CADPS2: variants seen among roughly 807,000 people sequenced by gnomAD.
CADPS2 encodes calcium-dependent secretion activator 2.
A neutral mutation model predicts 172.5 loss-of-function variants in CADPS2; 93 were observed. The ratio of observed to expected loss-of-function variants is 0.54; its 90% CI spans 0.46 to 0.64. CADPS2 has a LOEUF of 0.64. Ranked by LOEUF, CADPS2 falls within the 30% of genes least tolerant of loss-of-function variation. The pLI, the probability that CADPS2 is intolerant of heterozygous loss-of-function variation, is 0.00. For missense variants in CADPS2, 1,420 were observed against 1,565.9 expected, an observed-to-expected ratio of 0.91 and a Z score of 1.57; for synonymous variants, 546 against 555.2, an observed-to-expected ratio of 0.98 and a Z score of 0.23.
Position 122,318,812 on chromosome 7 carries a change from G to A in CADPS2, c.*1353C>T, listed in dbSNP as rs950371327. On this transcript the variant is annotated 3_prime_UTR_variant, in exon 30 of 30. Coordinates refer to ENST00000449022, the MANE Select transcript of CADPS2 (RefSeq NM_017954.11). ...CTAACGACCACTTATTACACCATGG[G>A]AGAACGAATCTGGAGGTCCAAGTTG... 5.9e-5 allele frequency: 9 copies of A among 152,156 alleles called. No individual in the cohort carries two copies. The highest frequency in any genetic ancestry group is 2.2e-4 in the African/African-American group (9 of 41,446). The allele number at this position is 152,156 out of a possible 1,614,324, so 9.4% of individuals were successfully genotyped here.
chr7:122,429,748 C>T (rs1029299269), intron 17 of CADPS2, among the ~76,000 whole-genome samples: 1 of 152,072 alleles, frequency 6.6e-6, no homozygotes, highest in African/African-American at 2.4e-5. Flanking sequence ...CATGGGGACA[C>T]ACAATACTCA....
At chr7:122,756,786 G>A (rs1178182498) in intron 1 of CADPS2, among the ~76,000 whole-genome samples, 1 of 151,970 alleles carries the variant, frequency 6.6e-6, no homozygotes, top group Non-Finnish European at 1.5e-5. Context: ...TGTAATCCCA[G>A]CTACTCAGGA....
At chr7:122,427,372 T>C (rs2151862060) in intron 17 of CADPS2, 1 of 152,282 alleles carries the variant, frequency 6.6e-6, no homozygotes, top group South Asian at 2.1e-4. Flanking sequence ...ACTCAGATAC[T>C]AGACAAACTT....
chr7:122,428,470 TA>T (rs71530093), intron 17 of CADPS2, among the ~76,000 whole-genome samples: 3,696 of 109,622 alleles, frequency 0.034, 45 homozygotes, highest in Middle Eastern at 0.06. Context: ...TATATATATA[TA>T]TTTTTTTTTT....
At chr7:122,526,390 A>G (rs891357276) in intron 8 of CADPS2, among the ~76,000 whole-genome samples, 7 of 151,882 alleles carry the variant, frequency 4.6e-5, no homozygotes, top group Admixed American at 1.3e-4. Flanking sequence ...ATGGGGTTTC[A>G]CCATGTTGGC....
chr7:122,412,785 TC>T (rs1266359040), intron 19 of CADPS2: 3 of 152,224 alleles, frequency 2.0e-5, no homozygotes, highest in African/African-American at 4.8e-5. Context: ...ACTGATATTC[TC>T]CGCACTCCAT....
At chr7:122,728,370 T>C (rs1231340660) in intron 2 of CADPS2, among the ~76,000 whole-genome samples, 1 of 151,746 alleles carries the variant, frequency 6.6e-6, no homozygotes, top group Admixed American at 6.6e-5. Context: ...AGAGTTGAGG[T>C]ATAATGTTAG....
intron 5 of CADPS2, among the ~76,000 whole-genome samples, chr7:122,621,077 T>G (rs1054035013): frequency 1.3e-5 from 2 of 151,978 alleles, no homozygotes; most frequent in African/African-American, 4.8e-5. Context: ...GGATAATTTT[T>G]TTTTTTTAGA....
chr7:122,572,023 C>T (rs1393521347), intron 7 of CADPS2, among the ~76,000 whole-genome samples: 1 of 152,016 alleles, frequency 6.6e-6, no homozygotes, highest in Admixed American at 6.6e-5. Flanking sequence ...TTTAAGAATG[C>T]CAGCATTATA....
chr7:122,416,983 TGTC>T (rs2048000575), intron 17 of CADPS2, among the ~76,000 whole-genome samples: 1 of 152,190 alleles, frequency 6.6e-6, no homozygotes, highest in Middle Eastern at 3.2e-3. Context: ...AGATAAATGT[TGTC>T]GGGGATTCAT....
chr7:122,517,224 T>C lies in CADPS2; in HGVS notation c.1476-3909A>G, dbSNP rs150853588. Among the ~76,000 whole-genome samples, 563 of 152,306 alleles carry C rather than the reference T, an allele frequency of 3.7e-3. 8 individuals carry two copies. The highest frequency in any genetic ancestry group is 0.013 in the African/African-American group (532 of 41,584). ...CATCCATATTGCTGTACGTAGTTAATATCAGAAGCCCACTCCTTTCATTGC... is the reference window on the plus strand; with the variant it reads ...CATCCATATTGCTGTACGTAGTTAACATCAGAAGCCCACTCCTTTCATTGC... On this transcript the variant is annotated intron_variant, in intron 8 of 29. Coordinates refer to ENST00000449022, the MANE Select transcript of CADPS2 (RefSeq NM_017954.11).
At chr7:122,519,953 T>C (rs1214609766) in intron 8 of CADPS2, among the ~76,000 whole-genome samples, 2 of 152,132 alleles carry the variant, frequency 1.3e-5, no homozygotes, top group African/African-American at 4.8e-5. Context: ...TCTATATCTG[T>C]AGTTATATAT....
At chr7:122,477,346 C>T (rs1044960670) in intron 12 of CADPS2, among the ~76,000 whole-genome samples, 8 of 151,896 alleles carry the variant, frequency 5.3e-5, no homozygotes, top group Non-Finnish European at 1.0e-4. Context: ...AATCCCGTCT[C>T]TTACTAAAAA....
At chr7:122,371,694 T>C (rs528880363) in intron 25 of CADPS2, among the ~76,000 whole-genome samples, 27 of 150,990 alleles carry the variant, frequency 1.8e-4, no homozygotes, top group East Asian at 1.4e-3. Flanking sequence ...CTGAAGACTA[T>C]AGTACTGCCA....
chr7:122,663,207 G>A (rs1219017504), intron 3 of CADPS2, 30 bp downstream of exon 3: 1 of 1,478,040 alleles, frequency 6.8e-7, no homozygotes, highest in Admixed American at 1.8e-5. Context: ...GAGTCAGACA[G>A]GGGAAGGGAA....
chr7:122,734,356 T>TAAAAAAAAAAAAAAAAAAAAAAAAAAAAA (rs558421546), intron 2 of CADPS2, among the ~76,000 whole-genome samples: 18 of 46,294 alleles, frequency 3.9e-4, no homozygotes, highest in South Asian at 1.2e-3. Flanking sequence ...CCAGAAATAG[T>TAAAAAAAAAAAAAAAAAAAAAAAAAAAAA]AAAAAAAAAA....
At chr7:122,427,199 A>G (rs1270300062) in intron 17 of CADPS2, 2 of 152,052 alleles carry the variant, frequency 1.3e-5, no homozygotes, top group Non-Finnish European at 2.9e-5. Context: ...ACCAGACAGA[A>G]GTATTTTGAA....
chr7:122,638,769 TC>T (rs1389750880), intron 3 of CADPS2, among the ~76,000 whole-genome samples: 1 of 152,234 alleles, frequency 6.6e-6, no homozygotes, highest in Non-Finnish European at 1.5e-5. Context: ...GAGGAGCTTC[TC>T]CTGTCTTCAT....
chr7:122,856,845 T>C (rs796898185), intron 1 of CADPS2, among the ~76,000 whole-genome samples: 63 of 152,358 alleles, frequency 4.1e-4, no homozygotes, highest in African/African-American at 1.4e-3. Context: ...AGATTAGCAA[T>C]GCTGCACTGA....
Sources: allele counts gnomAD v4.1 joint callset (sites outside exome capture counted in the v4.1 genomes callset), GRCh38; gene constraint gnomAD v4.1.1; transcripts MANE v1.5; gene names NCBI Gene and HGNC (gene_info 2026-07-23, HGNC 2026-07-21).